RFX3: variants seen among roughly 807,000 people sequenced by gnomAD.
RFX3 encodes the protein regulatory factor X3.
In RFX3, 14 loss-of-function variants were observed where a neutral mutation model predicts 98.6. That is an observed-to-expected ratio of 0.14 (90% confidence interval 0.09 to 0.22). The LOEUF (loss-of-function observed/expected upper bound fraction) is 0.22, where lower values mean the gene tolerates loss of function less well. Ranked by LOEUF, RFX3 falls within the 10% of genes least tolerant of loss-of-function variation. RFX3 has a pLI of 1.00. For missense variants in RFX3, 639 were observed against 926.9 expected, an observed-to-expected ratio of 0.69 and a Z score of 4.03; for synonymous variants, 383 against 328.4, an observed-to-expected ratio of 1.17 and a Z score of -1.80.
chr9:3,507,195 T>A (rs534075333), intron 1 of RFX3, among the ~76,000 whole-genome samples: 1 of 152,006 alleles, frequency 6.6e-6, no homozygotes, highest in East Asian at 1.9e-4. Flanking sequence ...TTAGCAGAGA[T>A]AATAAGAAAT....
At chr9:3,317,223 T>C (rs1220243949) in intron 4 of RFX3, among the ~76,000 whole-genome samples, 5 of 152,066 alleles carry the variant, frequency 3.3e-5, no homozygotes, top group Non-Finnish European at 5.9e-5. Context: ...CACACATCTA[T>C]AACCATCTGA....
At chr9:3,359,022 G>T (rs1158518139) in intron 2 of RFX3, among the ~76,000 whole-genome samples, 1 of 151,588 alleles carries the variant, frequency 6.6e-6, no homozygotes, top group Non-Finnish European at 1.5e-5. Flanking sequence ...GATTTGAGTA[G>T]GGACACAGAG....
At chr9:3,388,492 T>C (rs1194736665) in intron 2 of RFX3, among the ~76,000 whole-genome samples, 2 of 152,116 alleles carry the variant, frequency 1.3e-5, no homozygotes, top group Admixed American at 1.3e-4. Context: ...AGGCTGATAC[T>C]AACCAAAAAG....
chr9:3,387,540 CA>C (rs1564026464), intron 2 of RFX3, among the ~76,000 whole-genome samples: 1 of 151,962 alleles, frequency 6.6e-6, no homozygotes. Context: ...CATGGTCCTC[CA>C]AAACACCTTA....
In RFX3 at chr9:3,283,597, C is replaced by G. The variant is rs377122429; in HGVS notation, c.851+4534G>C. On this transcript the variant is annotated intron_variant, in intron 7 of 16. Transcript: ENST00000617270. ...ATTTCCTCTCTCACTTCTAAAAGAA[C>G]GTGCATGCTTTTACATCTATCTACA... 2.0e-5 allele frequency among the ~76,000 whole-genome samples: 3 copies of G among 151,742 alleles called. No homozygotes were observed. In the East Asian group the frequency reaches 5.8e-4, roughly 29 times the overall value.
At chr9:3,494,706 A>G (rs888979013) in intron 1 of RFX3, among the ~76,000 whole-genome samples, 1 of 152,184 alleles carries the variant, frequency 6.6e-6, no homozygotes, top group East Asian at 1.9e-4. Flanking sequence ...TAAATTTTCC[A>G]AAATAAAATT....
Position 3,277,328 on chromosome 9 carries a change from A to C in RFX3, c.973+12T>G, listed in dbSNP as rs1258852472. ...CCTAGTAGCAACTAATATGCATTAC[A>C]CCTTAACATACCTAAAAACTGTTGA... On this transcript the variant is annotated intron_variant, in intron 8 of 16. Coordinates refer to ENST00000617270, the MANE Select transcript of RFX3 (RefSeq NM_001282116.2). The C allele has an allele frequency of 8.1e-6, 13 of 1,611,826 alleles. No individual in the cohort carries two copies. In the African/African-American group the frequency reaches 1.6e-4, roughly 20 times the overall value.
chr9:3,516,284 G>A (rs968092843), intron 1 of RFX3, among the ~76,000 whole-genome samples: 14 of 151,982 alleles, frequency 9.2e-5, no homozygotes, highest in Non-Finnish European at 1.8e-4. Flanking sequence ...TCCTGACCTC[G>A]TGATCCACCC....
At chr9:3,232,983 G>C (rs1336620111) in intron 15 of RFX3, among the ~76,000 whole-genome samples, 1 of 152,230 alleles carries the variant, frequency 6.6e-6, no homozygotes, top group Non-Finnish European at 1.5e-5. Context: ...CAGTCAGAGA[G>C]ATAAATAGGA....
At chr9:3,361,051 C>G (rs1267361330) in intron 2 of RFX3, among the ~76,000 whole-genome samples, 2 of 152,068 alleles carry the variant, frequency 1.3e-5, no homozygotes, top group East Asian at 1.9e-4. Context: ...TCAGAAATGT[C>G]AAAAACTGTA....
intron 8 of RFX3, among the ~76,000 whole-genome samples, chr9:3,276,833 G>C (rs1825292459): frequency 6.6e-6 from 1 of 151,902 alleles, no homozygotes; most frequent in South Asian, 2.1e-4. Context: ...AAATATGCAA[G>C]TTTTTCTTCC....
At chr9:3,458,754 G>A (rs1366972983) in intron 1 of RFX3, among the ~76,000 whole-genome samples, 2 of 152,074 alleles carry the variant, frequency 1.3e-5, no homozygotes, top group Non-Finnish European at 2.9e-5. Context: ...TTCTACACAT[G>A]CTTAATAGAT....
At chr9:3,332,368 T>C (rs891931949) in intron 3 of RFX3, among the ~76,000 whole-genome samples, 1 of 152,180 alleles carries the variant, frequency 6.6e-6, no homozygotes, top group African/African-American at 2.4e-5. Context: ...TTTTAAATAA[T>C]TTTGTGCATG....
At chr9:3,353,569 T>C (rs988430795) in intron 2 of RFX3, among the ~76,000 whole-genome samples, 3 of 151,998 alleles carry the variant, frequency 2.0e-5, no homozygotes, top group Admixed American at 2.0e-4. Context: ...TCTGTAGATA[T>C]ACCAGAAGGA....
chr9:3,475,413 G>A (rs537261991), intron 1 of RFX3, among the ~76,000 whole-genome samples: 1 of 151,894 alleles, frequency 6.6e-6, no homozygotes, highest in South Asian at 2.1e-4. Flanking sequence ...GGCAAAAGGG[G>A]AAGGGTAAGG....
intron 7 of RFX3, among the ~76,000 whole-genome samples, chr9:3,280,949 A>G (rs1459547052): frequency 6.6e-6 from 1 of 151,784 alleles, no homozygotes; most frequent in East Asian, 1.9e-4. Context: ...ACTTTTCTCA[A>G]TAAACTATAT....
chr9:3,374,184 G>C (rs918855571), intron 2 of RFX3, among the ~76,000 whole-genome samples: 12 of 152,280 alleles, frequency 7.9e-5, no homozygotes, highest in African/African-American at 2.9e-4. Flanking sequence ...ATAAGTGTTG[G>C]TGAGGGTGTG....
chr9:3,501,097 T>C (rs1429973447), intron 1 of RFX3, among the ~76,000 whole-genome samples: 2 of 152,186 alleles, frequency 1.3e-5, no homozygotes, highest in South Asian at 2.1e-4. Flanking sequence ...AGAAACTATA[T>C]ACTATGTAGC....
intron 10 of RFX3, 83 bp from the exon 11 acceptor site, chr9:3,270,608 C>A: frequency 7.4e-7 from 1 of 1,348,114 alleles, no homozygotes; most frequent in Non-Finnish European, 1.0e-6. Flanking sequence ...TTTAAGTTTA[C>A]CAAATATTAC....
Sources: gnomAD v4.1 joint callset for allele counts (sites outside exome capture counted in the v4.1 genomes callset) on GRCh38, gnomAD v4.1.1 for gene constraint, MANE v1.5 for transcripts, NCBI Gene and HGNC (gene_info 2026-07-23, HGNC 2026-07-21) for gene names.